Variants in MLLT3 observed in about 807,000 individuals in gnomAD.
MLLT3 encodes MLLT3 super elongation complex subunit, also known as protein AF-9.
In MLLT3, 4 loss-of-function variants were observed where a neutral mutation model predicts 53.2. The observed-to-expected ratio is 0.08, with a 90% CI of 0.04 to 0.17. MLLT3 has a LOEUF of 0.17. Among genes scored for constraint, MLLT3 ranks in the 10% least tolerant of loss-of-function variants. The pLI is 1.00. For synonymous variants in MLLT3, 283 were observed against 230.6 expected, an observed-to-expected ratio of 1.23 and a Z score of -2.06; for missense variants, 569 against 684.0, an observed-to-expected ratio of 0.83 and a Z score of 1.87.
chr9:20,599,602 T>C (rs997976711), intron 2 of MLLT3, among the ~76,000 whole-genome samples: 2 of 152,156 alleles, frequency 1.3e-5, no homozygotes, highest in Non-Finnish European at 2.9e-5. Context: ...AGTAGAGATA[T>C]GACCTAGAAG....
chr9:20,400,736 AG>A (rs1822434349), intron 5 of MLLT3, among the ~76,000 whole-genome samples: 1 of 151,454 alleles, frequency 6.6e-6, no homozygotes, highest in African/African-American at 2.4e-5. Flanking sequence ...GATTACAAAA[AG>A]AAAAAAAAAA....
chr9:20,592,643 G>A (rs1820157626), intron 2 of MLLT3, among the ~76,000 whole-genome samples: 1 of 152,044 alleles, frequency 6.6e-6, no homozygotes, highest in African/African-American at 2.4e-5. Flanking sequence ...ACATAATTTG[G>A]CACATAACAT....
At chr9:20,610,550 C>A (rs1458970620) in intron 2 of MLLT3, among the ~76,000 whole-genome samples, 1 of 152,076 alleles carries the variant, frequency 6.6e-6, no homozygotes, top group Non-Finnish European at 1.5e-5. Context: ...GCCAGGGATT[C>A]TAAAACCCTT....
At chr9:20,381,294 A>C (rs961901721) in intron 5 of MLLT3, among the ~76,000 whole-genome samples, 2 of 151,972 alleles carry the variant, frequency 1.3e-5, no homozygotes, top group Non-Finnish European at 2.9e-5. Flanking sequence ...GATTGCATTT[A>C]ATTTATAGAC....
chr9:20,622,228 T>C lies in MLLT3; in HGVS notation c.12+17A>G. ...AAGTGGGGGAGGGCTTTTATTATTA[T>C]TTTTGCGCGTACTTACCGAGCTAGC... On this transcript the variant is annotated intron_variant, in intron 1 of 10. Coordinates refer to ENST00000380338, the MANE Select transcript of MLLT3 (RefSeq NM_004529.4). 1 of 1,601,830 alleles carries C rather than the reference T, an allele frequency of 6.2e-7. No individual in the cohort carries two copies. The highest frequency in any genetic ancestry group is 1.1e-5 in the South Asian group (1 of 89,796).
At chr9:20,450,226 T>C (rs1320169386) in intron 3 of MLLT3, among the ~76,000 whole-genome samples, 3 of 152,218 alleles carry the variant, frequency 2.0e-5, no homozygotes, top group Non-Finnish European at 4.4e-5. Flanking sequence ...TTCGTCCTTA[T>C]GAACTTTCAG....
intron 2 of MLLT3, among the ~76,000 whole-genome samples, chr9:20,604,402 C>G (rs766256568): frequency 7.1e-6 from 1 of 139,960 alleles, no homozygotes; most frequent in Non-Finnish European, 1.6e-5. Flanking sequence ...TCTTCAGATA[C>G]AAAAAACAAA....
chr9:20,436,728 C>T (rs556101585), intron 4 of MLLT3, among the ~76,000 whole-genome samples: 2 of 152,254 alleles, frequency 1.3e-5, no homozygotes, highest in African/African-American at 4.8e-5. Context: ...TTAGTTTACT[C>T]ATCTGTAAAA....
rs373181477 is a variant in MLLT3, at chr9:20,360,358, C to T, written c.1431+384G>A. ...TCAAAAGCTAAAAGTTAATTTCCCA[C>T]CAGTAAATTACCAGTGGTAAAGAAC... On this transcript the variant is annotated intron_variant, in intron 8 of 10. Transcript: ENST00000380338. Among the ~76,000 whole-genome samples the T allele has an allele frequency of 2.0e-4, 30 of 152,268 alleles. No individual in the cohort carries two copies. In the East Asian group the frequency reaches 4.4e-3, roughly 23 times the overall value.
intron 2 of MLLT3, among the ~76,000 whole-genome samples, chr9:20,571,829 C>A (rs1218115622): frequency 1.3e-5 from 2 of 152,176 alleles, no homozygotes; most frequent in African/African-American, 4.8e-5. Flanking sequence ...AATAAGATAT[C>A]ATTTCACTTC....
rs769938543 is a variant in MLLT3, at chr9:20,360,795, A to C, written c.1378T>G (p.Ser460Ala). 1 of 1,614,034 alleles carries C rather than the reference A, an allele frequency of 6.2e-7. No individual in the cohort carries two copies. The highest frequency in any genetic ancestry group is 1.3e-5 in the African/African-American group (1 of 74,950). ...GGTGGAGGTTCGTGATGTAGGGGTG[A>C]AGAAGCAGAACTGCTTTCACTATCG... Reference protein sequence around the residue: ...GSDSESSSASSPLHHEPPPPL... With the variant: ...GSDSESSSASAPLHHEPPPPL... The change falls in exon 8 of 11, where the codon TCA becomes GCA. Residue 460 changes from serine (S) to alanine (A), a missense_variant. Coordinates refer to ENST00000380338, the MANE Select transcript of MLLT3 (RefSeq NM_004529.4).
chr9:20,582,302 C>T (rs190139876), intron 2 of MLLT3, among the ~76,000 whole-genome samples: 4 of 152,062 alleles, frequency 2.6e-5, no homozygotes, highest in African/African-American at 9.7e-5. Context: ...TGGGTTTTGA[C>T]AAATGTATAA....
At chr9:20,593,217 T>G (rs188327614) in intron 2 of MLLT3, among the ~76,000 whole-genome samples, 217 of 152,296 alleles carry the variant, frequency 1.4e-3, no homozygotes, top group Non-Finnish European at 2.6e-3. Flanking sequence ...CTCAAATCCG[T>G]TTCTTCCCTT....
chr9:20,510,321 T>C (rs1427332625), intron 2 of MLLT3, among the ~76,000 whole-genome samples: 1 of 152,114 alleles, frequency 6.6e-6, no homozygotes, highest in Non-Finnish European at 1.5e-5. Context: ...AAATAAAAGA[T>C]CAATTTTGCC....
chr9:20,518,419 G>A lies in MLLT3; in HGVS notation c.194-61633C>T, dbSNP rs1477868140. ...AAAATTATAATTAACAAATGCAGAA[G>A]AAAATAAGAGAAACAGAAAAACACC... On this transcript the variant is annotated intron_variant, in intron 2 of 10. Transcript: ENST00000380338. 2.6e-5 allele frequency among the ~76,000 whole-genome samples: 4 copies of A among 152,038 alleles called. No homozygotes were observed. In the East Asian group the frequency reaches 7.7e-4, roughly 29 times the overall value.
At chr9:20,346,866 G>T (rs1270616932) in intron 10 of MLLT3, among the ~76,000 whole-genome samples, 1 of 151,884 alleles carries the variant, frequency 6.6e-6, no homozygotes, top group Non-Finnish European at 1.5e-5. Context: ...GAGCAGTTAG[G>T]GGGAGATAGC....
chr9:20,366,301 T>C (rs889066436), intron 5 of MLLT3, among the ~76,000 whole-genome samples: 1 of 152,172 alleles, frequency 6.6e-6, no homozygotes, highest in Admixed American at 6.5e-5. Context: ...CGGTGTTTGG[T>C]TTTCTGTTCC....
At chr9:20,570,780 T>C (rs906223042) in intron 2 of MLLT3, among the ~76,000 whole-genome samples, 1 of 152,126 alleles carries the variant, frequency 6.6e-6, no homozygotes, top group Non-Finnish European at 1.5e-5. Flanking sequence ...CCCAATAAAA[T>C]AAGAAACCTA....
At chr9:20,537,256 T>A (rs1818512578) in intron 2 of MLLT3, among the ~76,000 whole-genome samples, 1 of 152,236 alleles carries the variant, frequency 6.6e-6, no homozygotes, top group Non-Finnish European at 1.5e-5. Context: ...AATCAATGCA[T>A]ACTACATACA....
Sources: gnomAD v4.1 joint callset for allele counts (sites outside exome capture counted in the v4.1 genomes callset) on GRCh38, gnomAD v4.1.1 for gene constraint, MANE v1.5 for transcripts, NCBI Gene and HGNC (gene_info 2026-07-23, HGNC 2026-07-21) for gene names.